Variants in TRIM24 observed in about 807,000 individuals in gnomAD.
TRIM24 encodes tripartite motif containing 24.
In TRIM24, 29 loss-of-function variants were observed where a neutral mutation model predicts 123.9. That is an observed-to-expected ratio of 0.23 (90% CI 0.17 to 0.32). The LOEUF is 0.32. Ranked by LOEUF, TRIM24 falls within the 10% of genes least tolerant of loss-of-function variation. The pLI is 1.00. For synonymous variants in TRIM24, 456 were observed against 461.1 expected (o/e 0.99, Z 0.14); for missense variants, 932 against 1,295.3 (o/e 0.72, Z 4.31).
chr7:138,501,242 TA>T (rs1334628648), intron 1 of TRIM24, among the ~76,000 whole-genome samples: 2 of 152,138 alleles, frequency 1.3e-5, no homozygotes, highest in African/African-American at 2.4e-5. Flanking sequence ...TTTATTTATT[TA>T]TTTTTTTTGA....
At chr7:138,572,346 T>C (rs1434973510) in intron 11 of TRIM24, among the ~76,000 whole-genome samples, 1 of 152,214 alleles carries the variant, frequency 6.6e-6, no homozygotes, top group Non-Finnish European at 1.5e-5. Context: ...TCTAGTACTT[T>C]TTGTACTCTT....
At chr7:138,502,332 G>T (rs904771475) in intron 1 of TRIM24, among the ~76,000 whole-genome samples, 7 of 152,190 alleles carry the variant, frequency 4.6e-5, no homozygotes, top group African/African-American at 1.7e-4. Context: ...TTGTTCTAAT[G>T]GAAGTGGAAT....
chr7:138,561,000 G>A (rs1048998275), intron 9 of TRIM24, among the ~76,000 whole-genome samples: 3 of 152,188 alleles, frequency 2.0e-5, no homozygotes, highest in African/African-American at 7.2e-5. Context: ...AGAGCTGTAG[G>A]AGTTCTTCCT....
intron 3 of TRIM24, among the ~76,000 whole-genome samples, chr7:138,516,813 GTT>G (rs77546595): frequency 2.6e-4 from 35 of 132,404 alleles, no homozygotes; most frequent in Non-Finnish European, 3.7e-4. Context: ...AAACCGTTTT[GTT>G]TTTTTTTTTT....
chr7:138,540,139 C>G (rs564234501), intron 7 of TRIM24, among the ~76,000 whole-genome samples: 2 of 152,256 alleles, frequency 1.3e-5, no homozygotes, highest in African/African-American at 4.8e-5. Flanking sequence ...ATCATCTGAG[C>G]CTTCAAGAGT....
chr7:138,495,530 C>T (rs10272245), intron 1 of TRIM24, among the ~76,000 whole-genome samples: 66,175 of 151,770 alleles, frequency 0.44, 15,246 homozygotes, highest in African/African-American at 0.5. Context: ...TGTCTTTTTT[C>T]ATGATAATTC....
At chr7:138,555,967 T>C (rs1797308796) in intron 9 of TRIM24, among the ~76,000 whole-genome samples, 1 of 152,192 alleles carries the variant, frequency 6.6e-6, no homozygotes, top group Admixed American at 6.5e-5. Flanking sequence ...GTCATTTTTT[T>C]GGTTGTCAAT....
chr7:138,508,690 T>TGCGCGCGC (rs371514737), intron 2 of TRIM24, among the ~76,000 whole-genome samples: 4 of 106,170 alleles, frequency 3.8e-5, no homozygotes, highest in South Asian at 3.5e-4. Flanking sequence ...TGTGTGTGTG[T>TGCGCGCGC]GTGCGCGCGC....
chr7:138,524,903 A>G (rs1796576711), intron 4 of TRIM24, among the ~76,000 whole-genome samples: 1 of 152,148 alleles, frequency 6.6e-6, no homozygotes, highest in Non-Finnish European at 1.5e-5. Flanking sequence ...GGCTTGCATA[A>G]TGTAGAAATT....
chr7:138,491,629 T>C (rs1795783369), intron 1 of TRIM24, among the ~76,000 whole-genome samples: 1 of 152,208 alleles, frequency 6.6e-6, no homozygotes, highest in Non-Finnish European at 1.5e-5. Context: ...TTACGAATAA[T>C]ACTGCTACGA....
intron 17 of TRIM24, among the ~76,000 whole-genome samples, chr7:138,582,201 G>T (rs942345172): frequency 2.0e-5 from 3 of 152,200 alleles, no homozygotes; most frequent in African/African-American, 7.2e-5. Flanking sequence ...AGTTGAGGAA[G>T]TATGTGCGCA....
chr7:138,466,616 G>T (rs1795147619), intron 1 of TRIM24, among the ~76,000 whole-genome samples: 1 of 151,920 alleles, frequency 6.6e-6, no homozygotes, highest in Non-Finnish European at 1.5e-5. Flanking sequence ...GTCTCCCAAA[G>T]TGCTGGGATT....
In TRIM24 at chr7:138,585,859, C is replaced by T. The variant is rs1798006661; in HGVS notation, c.*908C>T. 1.9e-6 allele frequency: 1 copy of T among 518,910 alleles called. No individual in the cohort carries two copies. 32.1% of individuals were successfully genotyped at this position (518,910 alleles called of 1,614,324 possible). A position where few individuals can be genotyped will look rare whatever the true frequency, so the allele number is the denominator to read the frequency against. The stretch of plus-strand genomic sequence containing the variant: ...GTGCACTGTATTTGATGTGAGGGTT[C>T]TTCATCATATACCCTACTGGGCATT... On this transcript the variant is annotated 3_prime_UTR_variant, in exon 19 of 19. Coordinates refer to ENST00000343526, the MANE Select transcript of TRIM24 (RefSeq NM_015905.3).
At chr7:138,462,397 G>T (rs1246521683) in intron 1 of TRIM24, among the ~76,000 whole-genome samples, 3 of 147,168 alleles carry the variant, frequency 2.0e-5, no homozygotes, top group Non-Finnish European at 4.5e-5. Context: ...CTGGAGTGCA[G>T]TGGCGCGATC....
intron 1 of TRIM24, among the ~76,000 whole-genome samples, chr7:138,497,428 T>G (rs2116512687): frequency 1.5e-5 from 2 of 133,008 alleles, no homozygotes; most frequent in Non-Finnish European, 1.5e-5. Flanking sequence ...TGAGAAAGAG[T>G]CTCGCTCTGT....
chr7:138,463,050 T>TTTG (rs1393007930), intron 1 of TRIM24, among the ~76,000 whole-genome samples: 1,511 of 127,002 alleles, frequency 0.012, 44 homozygotes, highest in African/African-American at 0.04. Context: ...TGTGTTTTTT[T>TTTG]TTTTTTTTTT....
intron 1 of TRIM24, among the ~76,000 whole-genome samples, chr7:138,498,137 C>T (rs1279360197): frequency 1.3e-5 from 2 of 152,212 alleles, no homozygotes; most frequent in African/African-American, 4.8e-5. Context: ...CCTCCCACTT[C>T]AGCCTCTTGA....
intron 11 of TRIM24, 59 bp from the exon 12 acceptor site, chr7:138,573,447 TA>T: frequency 6.9e-7 from 1 of 1,440,344 alleles, no homozygotes; most frequent in Non-Finnish European, 9.2e-7. Context: ...CTTATAAATT[TA>T]AAAGTAGCTT....
At chr7:138,481,142 G>A (rs938734568) in intron 1 of TRIM24, among the ~76,000 whole-genome samples, 4 of 152,018 alleles carry the variant, frequency 2.6e-5, no homozygotes, top group African/African-American at 2.4e-5. Context: ...ACAGGCATGC[G>A]CCACTACGCC....
Sources: gnomAD v4.1 joint callset for allele counts (sites outside exome capture counted in the v4.1 genomes callset) on GRCh38, gnomAD v4.1.1 for gene constraint, MANE v1.5 for transcripts, NCBI Gene and HGNC (gene_info 2026-07-23, HGNC 2026-07-21) for gene names.